The following AFF4 variants were observed in gnomAD, a reference collection of about 807,000 sequenced individuals.
AFF4 encodes the protein AF4/FMR2 family member 4.
AFF4 carries 13 observed loss-of-function variants against 124.8 expected under a neutral mutation model. The observed-to-expected ratio is 0.10, with a 90% confidence interval of 0.07 to 0.17. AFF4 has a LOEUF of 0.17. Among genes scored for constraint, AFF4 ranks in the 10% least tolerant of loss-of-function variants. The pLI, the probability that AFF4 is intolerant of heterozygous loss-of-function variation, is 1.00. For missense variants in AFF4, 1,092 were observed against 1,403.8 expected, an observed-to-expected ratio of 0.78 and a Z score of 3.55; for synonymous variants, 477 against 496.1, an observed-to-expected ratio of 0.96 and a Z score of 0.51.
At position 132,883,390 on chromosome 5, in the gene AFF4, T is replaced by C. The variant is rs775632721; in HGVS notation, c.3314A>G (p.Tyr1105Cys). 30 of 1,614,060 alleles carry C rather than the reference T, an allele frequency of 1.9e-5. No individual in the cohort carries two copies. Among genetic ancestry groups the C allele is most frequent in the South Asian group, 1.1e-4 (10 of 91,082 alleles). The change falls in exon 20 of 21, where the codon TAT becomes TGT. Residue 1105 changes from tyrosine (Y) to cysteine (C), a missense_variant. Transcript: ENST00000265343. ...SYVQVTSNFL[Y>C]ATEIWDQAEQ... ...AGCTTGGTCCCAAATTTCGGTGGCATAGAGGAAGTTGGATGTGACCTGAAC... is the reference window on the plus strand; with the variant it reads ...AGCTTGGTCCCAAATTTCGGTGGCACAGAGGAAGTTGGATGTGACCTGAAC...
chr5:132,900,870 A>G (rs962967518), intron 7 of AFF4: 4 of 982,402 alleles, frequency 4.1e-6, no homozygotes, highest in Admixed American at 1.2e-4. Flanking sequence ...TAATTCCATT[A>G]CCTTTCTTAA....
intron 1 of AFF4, among the ~76,000 whole-genome samples, chr5:132,940,964 T>A (rs779978443): frequency 6.6e-6 from 1 of 151,794 alleles, no homozygotes; most frequent in African/African-American, 2.4e-5. Flanking sequence ...GAGGCGGAGG[T>A]TGCAGTGAGC....
intron 5 of AFF4, among the ~76,000 whole-genome samples, chr5:132,925,712 T>C (rs1233256901): frequency 6.6e-6 from 1 of 152,208 alleles, no homozygotes; most frequent in African/African-American, 2.4e-5. Flanking sequence ...GCAAATGGAA[T>C]GCCATTTTTA....
intron 4 of AFF4, among the ~76,000 whole-genome samples, chr5:132,929,698 C>T (rs1234149036): frequency 6.6e-6 from 1 of 152,084 alleles, no homozygotes; most frequent in Non-Finnish European, 1.5e-5. Context: ...CAAAAGCGGT[C>T]AGTCAGTAAT....
In AFF4 at chr5:132,898,175, A is replaced by G. The variant is rs564845024; in HGVS notation, c.1389+55T>C. The G allele has an allele frequency of 3.2e-6, 5 of 1,586,252 alleles. No homozygotes were observed. The South Asian group carries it at 5.7e-5, about 18-fold the overall frequency. ...TATTTGGATCAGGTTTTAAATGGAC[A>G]TCACCAAGGACCCTGAGAGGGCCTG... On this transcript the variant is annotated intron_variant, in intron 10 of 20. Coordinates refer to ENST00000265343, the MANE Select transcript of AFF4 (RefSeq NM_014423.4).
intron 13 of AFF4, chr5:132,891,800 C>CTT (rs11441608): frequency 0.013 from 2,925 of 223,660 alleles, 1 homozygote; most frequent in Middle Eastern, 0.018. Context: ...TGGTTTCTAT[C>CTT]TTTTTTTTTT....
At chr5:132,883,184 ATTGT>A (rs1235615319) in intron 20 of AFF4, among the ~76,000 whole-genome samples, 152 bp downstream of exon 20, 3 of 152,210 alleles carry the variant, frequency 2.0e-5, no homozygotes, top group African/African-American at 7.2e-5. Flanking sequence ...AGTTTCATTT[ATTGT>A]TTAACTGCTA....
chr5:132,893,146 G>A, intron 11 of AFF4, 28 bp from the exon 12 acceptor site: 1 of 1,597,584 alleles, frequency 6.3e-7, no homozygotes, highest in Non-Finnish European at 8.6e-7. Context: ...ACCGTGGTCT[G>A]ATTTTTATTC....
Position 132,887,890 on chromosome 5 carries a change from G to A in AFF4, c.2889C>T (p.Ser963=). 6.2e-7 allele frequency: 1 copy of A among 1,613,860 alleles called. No individual in the cohort carries two copies. The highest frequency in any genetic ancestry group is 8.5e-7 in the Non-Finnish European group (1 of 1,179,952). ...CTGAATACATAGGGAATGGGGATTT[G>A]GATTCCTGAGCATTCTTCTCTAATG... ...GNALEKNAQE[S]KSPFPMYSET... The change falls in exon 16 of 21, where the codon TCC becomes TCT. Residue 963 remains serine (S), a synonymous_variant. Coordinates refer to ENST00000265343, the MANE Select transcript of AFF4 (RefSeq NM_014423.4).
intron 1 of AFF4, among the ~76,000 whole-genome samples, chr5:132,947,463 T>C (rs1169806386): frequency 6.6e-6 from 1 of 152,168 alleles, no homozygotes; most frequent in South Asian, 2.1e-4. Flanking sequence ...CCCATTCAAG[T>C]GGAGGTCAGA....
intron 3 of AFF4, 93 bp downstream of exon 3, chr5:132,934,054 C>G: frequency 1.5e-6 from 2 of 1,349,148 alleles, no homozygotes; most frequent in South Asian, 2.9e-5. Context: ...ACTATTAAGG[C>G]AAGGAAGCAG....
At chr5:132,928,412 C>T (rs1026756361) in intron 4 of AFF4, among the ~76,000 whole-genome samples, 8 of 152,170 alleles carry the variant, frequency 5.3e-5, no homozygotes, top group Non-Finnish European at 1.0e-4. Context: ...TGTCCGACCT[C>T]AGACTGGTGT....
intron 14 of AFF4, 90 bp downstream of exon 14, chr5:132,888,989 C>A: frequency 1.6e-6 from 2 of 1,272,814 alleles, no homozygotes; most frequent in South Asian, 2.5e-5. Flanking sequence ...AGCCACCGCG[C>A]CCGGCCAATG....
In AFF4 at chr5:132,917,716, T is replaced by C. The variant is rs938698141; in HGVS notation, c.1050+9405A>G. On this transcript the variant is annotated intron_variant, in intron 5 of 20. Transcript: ENST00000265343. ...TTTTCTTTTCTTTTCTTTTTTTTTT[T>C]TTTTTTTTTTTTTTGAGACAGAGAC... Among the ~76,000 whole-genome samples, 30 of 136,382 alleles carry C rather than the reference T, an allele frequency of 2.2e-4. No individual in the cohort carries two copies. The East Asian group carries it at 2.5e-3, about 11-fold the overall frequency. 89.5% of individuals were successfully genotyped at this position (136,382 alleles called of 152,430 possible).
At position 132,937,191 on chromosome 5, in the gene AFF4, T is replaced by C. The variant is rs757123348; in HGVS notation, c.-2A>G. The C allele has an allele frequency of 1.2e-6, 2 of 1,606,490 alleles. No individual in the cohort carries two copies. Among genetic ancestry groups the C allele is most frequent in the Admixed American group, 1.7e-5 (1 of 59,044 alleles). On this transcript the variant is annotated splice_region_variant and 5_prime_UTR_variant, in exon 2 of 21. Coordinates refer to ENST00000265343, the MANE Select transcript of AFF4 (RefSeq NM_014423.4). The stretch of plus-strand genomic sequence containing the variant: ...CACATTCCGGTCTTCACGGTTCATG[T>C]TGCTATGAAAAGAAACACAATCTTT...
At chr5:132,886,597 G>A (rs1227189919) in intron 17 of AFF4, among the ~76,000 whole-genome samples, 194 bp from the exon 18 acceptor site, 1 of 152,338 alleles carries the variant, frequency 6.6e-6, no homozygotes, top group Admixed American at 6.5e-5. Flanking sequence ...TGGCTAAGAA[G>A]CCTAGGACTA....
At position 132,875,862 on chromosome 5, in the gene AFF4, T is replaced by C. The variant is rs916726949; in HGVS notation, c.*5197A>G. 1 of 222,038 alleles carries C rather than the reference T, an allele frequency of 4.5e-6. No homozygotes were observed. The highest frequency in any genetic ancestry group is 9.0e-6 in the Non-Finnish European group (1 of 110,808). 13.8% of individuals were successfully genotyped at this position (222,038 alleles called of 1,614,324 possible). On this transcript the variant is annotated 3_prime_UTR_variant, in exon 21 of 21. Coordinates refer to ENST00000265343, the MANE Select transcript of AFF4 (RefSeq NM_014423.4). ...GATAAAAGAAATGTAAAACAAAGAT[T>C]TGGTTCATGTACAAAACAAAGGCAT...
chr5:132,911,357 A>G (rs929075678), intron 5 of AFF4, among the ~76,000 whole-genome samples: 17 of 152,156 alleles, frequency 1.1e-4, no homozygotes, highest in African/African-American at 4.1e-4. Context: ...CCAGGAACAT[A>G]GTAAGAAGTT....
In AFF4 at chr5:132,882,923, A is replaced by G. The variant is rs182061867; in HGVS notation, c.3364+417T>C. On this transcript the variant is annotated intron_variant, in intron 20 of 20. Coordinates refer to ENST00000265343, the MANE Select transcript of AFF4 (RefSeq NM_014423.4). Reference sequence around the variant, plus strand: ...TTATTTCACAGGTTTCTTCCAATATACCTAAAAATCCAGTATGAGCATGCT... The same window carrying G: ...TTATTTCACAGGTTTCTTCCAATATGCCTAAAAATCCAGTATGAGCATGCT... Among the ~76,000 whole-genome samples the G allele has an allele frequency of 5.5e-3, 816 of 148,708 alleles. 4 individuals carry two copies. The highest frequency in any genetic ancestry group is 0.029 in the Middle Eastern group (8 of 276).
Sources: gnomAD v4.1 joint callset for allele counts (sites outside exome capture counted in the v4.1 genomes callset) on GRCh38, gnomAD v4.1.1 for gene constraint, MANE v1.5 for transcripts, NCBI Gene and HGNC (gene_info 2026-07-23, HGNC 2026-07-21) for gene names.